Variants in ITGA8 observed in about 807,000 individuals in gnomAD.
The protein encoded by ITGA8 is integrin alpha-8.
ITGA8 carries 91 observed loss-of-function variants against 142.3 expected under a neutral mutation model. That is an observed-to-expected ratio of 0.64 (90% confidence interval 0.54 to 0.76). The LOEUF is 0.76. Among genes scored for constraint, ITGA8 ranks in the 30% least tolerant of loss-of-function variants. The pLI is 0.00. For missense variants in ITGA8, 1,406 were observed against 1,327.7 expected, an observed-to-expected ratio of 1.06 and a Z score of -0.92; for synonymous variants, 505 against 485.2, an observed-to-expected ratio of 1.04 and a Z score of -0.54.
chr10:15,519,125 G>A (rs1833011551), intron 29 of ITGA8, among the ~76,000 whole-genome samples, 165 bp downstream of exon 29: 1 of 152,158 alleles, frequency 6.6e-6, no homozygotes, highest in African/African-American at 2.4e-5. Context: ...AACATATTAA[G>A]TATGCCAAAG....
chr10:15,667,608 G>C (rs1207036328), intron 8 of ITGA8, among the ~76,000 whole-genome samples: 1 of 152,156 alleles, frequency 6.6e-6, no homozygotes, highest in Non-Finnish European at 1.5e-5. Context: ...TAATTGTGAT[G>C]TTAGGGTGTC....
chr10:15,600,494 C>T (rs1268030275), intron 20 of ITGA8, among the ~76,000 whole-genome samples: 2 of 152,040 alleles, frequency 1.3e-5, no homozygotes, highest in South Asian at 2.1e-4. Flanking sequence ...ACAAGCTCTC[C>T]GTGTCATTAC....
At chr10:15,568,023 C>T (rs1311980840) in intron 25 of ITGA8, among the ~76,000 whole-genome samples, 1 of 152,148 alleles carries the variant, frequency 6.6e-6, no homozygotes, top group Non-Finnish European at 1.5e-5. Flanking sequence ...AGTAATTCTC[C>T]TTTCTCAGTC....
rs573338443 is a variant in ITGA8 at position 15,600,021 on chromosome 10, C to T, written c.2119-2722G>A. 2.0e-5 allele frequency among the ~76,000 whole-genome samples: 3 copies of T among 152,342 alleles called. No individual in the cohort carries two copies. The South Asian group carries it at 6.2e-4, about 32-fold the overall frequency. ...GCTACATAATAGCTGTATAACCTTGCGCATGTTACTTAATTTATTCTTACC... is the reference window on the plus strand; with the variant it reads ...GCTACATAATAGCTGTATAACCTTGTGCATGTTACTTAATTTATTCTTACC... On this transcript the variant is annotated intron_variant, in intron 20 of 29. Coordinates refer to ENST00000378076, the MANE Select transcript of ITGA8 (RefSeq NM_003638.3).
intron 21 of ITGA8, among the ~76,000 whole-genome samples, chr10:15,594,800 T>C (rs554970395): frequency 6.6e-6 from 1 of 152,046 alleles, no homozygotes; most frequent in East Asian, 1.9e-4. Flanking sequence ...ACAAAAAAAA[T>C]GCCAAAAGAA....
intron 11 of ITGA8, among the ~76,000 whole-genome samples, chr10:15,655,019 T>C (rs1364152267): frequency 6.6e-6 from 1 of 152,338 alleles, no homozygotes; most frequent in East Asian, 1.9e-4. Context: ...ATGTATCACA[T>C]GCTAGGGGAA....
intron 26 of ITGA8, among the ~76,000 whole-genome samples, chr10:15,550,581 T>A (rs1833776166): frequency 6.6e-6 from 1 of 152,152 alleles, no homozygotes; most frequent in Admixed American, 6.5e-5. Flanking sequence ...GGAGGTCACC[T>A]AGCAGAATGG....
At chr10:15,685,067 T>G (rs1834811497) in intron 3 of ITGA8, among the ~76,000 whole-genome samples, 1 of 152,206 alleles carries the variant, frequency 6.6e-6, no homozygotes, top group Admixed American at 6.5e-5. Flanking sequence ...AGAAGCATCT[T>G]ATGCCTGTTT....
chr10:15,574,844 G>GA (rs1834254768), intron 24 of ITGA8, among the ~76,000 whole-genome samples: 1 of 151,712 alleles, frequency 6.6e-6, no homozygotes, highest in Non-Finnish European at 1.5e-5. Context: ...TGAAATATAG[G>GA]AAAAAATGAA....
At chr10:15,620,038 T>G (rs926874047) in intron 13 of ITGA8, among the ~76,000 whole-genome samples, 1 of 152,258 alleles carries the variant, frequency 6.6e-6, no homozygotes, top group Non-Finnish European at 1.5e-5. Flanking sequence ...GGCAGGAATC[T>G]TTACGTTTGC....
intron 8 of ITGA8, among the ~76,000 whole-genome samples, chr10:15,662,949 C>A (rs755844031): frequency 1.3e-5 from 2 of 152,114 alleles, no homozygotes; most frequent in Non-Finnish European, 2.9e-5. Context: ...TTTTTTGAGT[C>A]ATGAACGTGT....
intron 2 of ITGA8, among the ~76,000 whole-genome samples, chr10:15,705,809 C>A (rs552504611): frequency 6.6e-6 from 1 of 152,164 alleles, no homozygotes; most frequent in Admixed American, 6.5e-5. Context: ...ACAAGACTTT[C>A]TTTATTGGCT....
intron 13 of ITGA8, among the ~76,000 whole-genome samples, chr10:15,621,623 G>T (rs1833492885): frequency 6.6e-6 from 1 of 151,286 alleles, no homozygotes; most frequent in Non-Finnish European, 1.5e-5. Flanking sequence ...TAGGTGGGCA[G>T]GAAACAGTGA....
At position 15,517,025 on chromosome 10, in the gene ITGA8, T is replaced by TCGCC; in HGVS notation, c.*132_*133insGGCG. 2.1e-6 allele frequency: 1 copy of TCGCC among 468,378 alleles called. No individual in the cohort carries two copies. The highest frequency in any genetic ancestry group is 3.6e-6 in the Non-Finnish European group (1 of 278,038). The allele number at this position is 468,378 out of a possible 1,614,324, so 29.0% of individuals were successfully genotyped here. The stretch of plus-strand genomic sequence containing the variant: ...CCAAAGTGCGGTGTAGATGAGGTGA[T>TCGCC]GTTTCCAGGGTCCCCTCCATTTCCT... On this transcript the variant is annotated 3_prime_UTR_variant, in exon 30 of 30. Coordinates refer to ENST00000378076, the MANE Select transcript of ITGA8 (RefSeq NM_003638.3).
At chr10:15,694,907 A>C (rs1835023281) in intron 2 of ITGA8, among the ~76,000 whole-genome samples, 1 of 151,760 alleles carries the variant, frequency 6.6e-6, no homozygotes, top group Admixed American at 6.6e-5. Flanking sequence ...TAAAATTACT[A>C]ACCACGAAAA....
At chr10:15,572,705 A>G (rs1834207788) in intron 24 of ITGA8, among the ~76,000 whole-genome samples, 1 of 152,204 alleles carries the variant, frequency 6.6e-6, no homozygotes, top group East Asian at 1.9e-4. Context: ...TTTTGATTTT[A>G]TGCCTTCAAA....
intron 11 of ITGA8, among the ~76,000 whole-genome samples, chr10:15,652,937 C>T (rs1834115820): frequency 6.6e-6 from 1 of 152,228 alleles, no homozygotes; most frequent in Non-Finnish European, 1.5e-5. Context: ...TACTGCTCAC[C>T]TGGAATCCCC....
chr10:15,604,279 C>T lies in ITGA8; in HGVS notation c.2047G>A (p.Ala683Thr). The change falls in exon 20 of 30, where the codon GCA becomes ACA. Residue 683 changes from alanine (A) to threonine (T), a missense_variant. Transcript: ENST00000378076. Reference protein sequence around the residue: ...IINARNEGEGAYEAELFVMIP... With the variant: ...IINARNEGEGTYEAELFVMIP... The stretch of plus-strand genomic sequence containing the variant: ...ATTACAAAGAGTTCAGCTTCATATG[C>T]TCCTTCCCCTTCATTTCTTGCATTT... 1 of 1,612,790 alleles carries T rather than the reference C, an allele frequency of 6.2e-7. No homozygotes were observed. The highest frequency in any genetic ancestry group is 1.3e-5 in the African/African-American group (1 of 74,996).
chr10:15,684,057 T>G lies in ITGA8; in HGVS notation c.515A>C (p.Tyr172Ser). 6.2e-7 allele frequency: 1 copy of G among 1,614,196 alleles called. No homozygotes were observed. The highest frequency in any genetic ancestry group is 8.5e-7 in the Non-Finnish European group (1 of 1,180,020). Residue 172 changes from tyrosine (Y) to serine (S), a missense_variant, in exon 4 of 30, where the codon TAT becomes TCT. Transcript: ENST00000378076. ...GGCGCTGAAGTTCTGAATTGCTACA[T>G]AGCAGGTGCCAACTGGGTCCTTTTC... Reference protein sequence around the residue: ...TPEKDPVGTCYVAIQNFSAYA... With the variant: ...TPEKDPVGTCSVAIQNFSAYA...
Sources: gnomAD v4.1 joint callset for allele counts (sites outside exome capture counted in the v4.1 genomes callset) on GRCh38, gnomAD v4.1.1 for gene constraint, MANE v1.5 for transcripts, NCBI Gene and HGNC (gene_info 2026-07-23, HGNC 2026-07-21) for gene names.